MMP20: variants seen among roughly 807,000 people sequenced by gnomAD.
MMP20 encodes the protein matrix metallopeptidase 20, also known as matrix metalloproteinase-20.
Under a neutral mutation model 51.8 loss-of-function variants are expected in MMP20, and 50 were observed. The observed-to-expected ratio is 0.97, with a 90% CI of 0.77 to 1.22. The LOEUF (loss-of-function observed/expected upper bound fraction) is 1.22. MMP20 is among the 50% of genes most tolerant of loss of function. The pLI is 0.00. For missense variants in MMP20, 663 were observed against 601.4 expected (o/e 1.10, Z -1.07); for synonymous variants, 244 against 216.2 (o/e 1.13, Z -1.13).
intron 2 of MMP20, among the ~76,000 whole-genome samples, chr11:102,613,262 G>C (rs76515795): frequency 6.6e-6 from 1 of 152,168 alleles, no homozygotes; most frequent in African/African-American, 2.4e-5. Flanking sequence ...CAAAGGAAAG[G>C]CAGGGAGGGC....
chr11:102,596,922 G>A lies in MMP20; in HGVS notation c.954-2165C>T, dbSNP rs562594183. Among the ~76,000 whole-genome samples, 104 of 152,260 alleles carry A rather than the reference G, an allele frequency of 6.8e-4. 1 individual carries two copies. The highest frequency in any genetic ancestry group is 1.2e-3 in the Non-Finnish European group (81 of 68,028). On this transcript the variant is annotated intron_variant, in intron 6 of 9. Coordinates refer to ENST00000260228, the MANE Select transcript of MMP20 (RefSeq NM_004771.4). ...TACAGTTTTGGGTATCCAGAATCCC[G>A]CAACTACTTCTTGGATTAATTGGGA...
At chr11:102,593,723 C>G in intron 7 of MMP20, 128 bp from the exon 8 acceptor site, 1 of 993,118 alleles carries the variant, frequency 1.0e-6, no homozygotes, top group Non-Finnish European at 1.5e-6. Context: ...TATAACCCAA[C>G]AAGAGATATA....
At position 102,580,332 on chromosome 11, in the gene MMP20, C is replaced by T. The variant is rs17174301; in HGVS notation, c.1248-1190G>A. 2.0e-3 allele frequency among the ~76,000 whole-genome samples: 311 copies of T among 152,362 alleles called. 4 individuals are homozygous for T. In the East Asian group the frequency reaches 0.055, roughly 27 times the overall value. The stretch of plus-strand genomic sequence containing the variant: ...TAGCACAGAGTTCCAAATGGGGACA[C>T]TCCCAGGTGGACACCCCACTCCTTT... On this transcript the variant is annotated intron_variant, in intron 8 of 9. Coordinates refer to ENST00000260228, the MANE Select transcript of MMP20 (RefSeq NM_004771.4).
At chr11:102,591,079 C>A (rs1270323494) in intron 8 of MMP20, among the ~76,000 whole-genome samples, 4 of 152,120 alleles carry the variant, frequency 2.6e-5, no homozygotes, top group Admixed American at 6.5e-5. Flanking sequence ...AATTTCAAAC[C>A]AATAGAAGGC....
chr11:102,582,264 C>T (rs1859205456), intron 8 of MMP20, among the ~76,000 whole-genome samples: 2 of 152,106 alleles, frequency 1.3e-5, no homozygotes, highest in South Asian at 4.1e-4. Flanking sequence ...ATTTCAGTCA[C>T]ATGTCAAGGG....
In MMP20 at chr11:102,577,556, C is replaced by T. The variant is rs371228463; in HGVS notation, c.1352-130G>A. The T allele has an allele frequency of 1.7e-4, 120 of 711,644 alleles. 1 individual carries two copies. The African/African-American group carries it at 1.8e-3, about 11-fold the overall frequency. 44.1% of individuals were successfully genotyped at this position (711,644 alleles called of 1,614,324 possible). A position where few individuals can be genotyped will look rare whatever the true frequency, so the allele number is the denominator to read the frequency against. On this transcript the variant is annotated intron_variant, in intron 9 of 9. Transcript: ENST00000260228. ...TGTGAATTTGTCAGGTGGCAGTTAG[C>T]TTGTCTTCTGTCTTCATGCCCTAGA...
chr11:102,618,661 A>T (rs1323978381), intron 1 of MMP20, among the ~76,000 whole-genome samples: 1 of 152,186 alleles, frequency 6.6e-6, no homozygotes, highest in Non-Finnish European at 1.5e-5. Flanking sequence ...TTCTGAATAA[A>T]TCATACATAT....
chr11:102,606,985 T>A (rs1207154097), intron 5 of MMP20: 1 of 380,798 alleles, frequency 2.6e-6, no homozygotes, highest in East Asian at 5.9e-5. Context: ...GCAGAGTGCT[T>A]GGCACATAGT....
intron 1 of MMP20, among the ~76,000 whole-genome samples, chr11:102,624,379 A>G (rs891296268): frequency 8.2e-6 from 1 of 121,328 alleles, no homozygotes; most frequent in Admixed American, 8.4e-5. Context: ...CCCTTCTTTT[A>G]AAAACAAAAC....
At position 102,611,887 on chromosome 11, in the gene MMP20, G is replaced by A. The variant is rs1284603007; in HGVS notation, c.391C>T (p.Pro131Ser). The A allele has an allele frequency of 6.2e-7, 1 of 1,614,134 alleles. No homozygotes were observed. Among genetic ancestry groups the A allele is most frequent in the Admixed American group, 1.7e-5 (1 of 60,026 alleles). The change falls in exon 3 of 10, where the codon CCT (proline) becomes TCT (serine). Residue 131 changes from proline to serine, a missense_variant. Transcript: ENST00000260228. Reference protein sequence around the residue: ...TLTYRISKYTPSMSSVEVDKA... With the variant: ...TLTYRISKYTSSMSSVEVDKA... ...TCCACCTCGACAGAACTCATGGAAG[G>A]TGTGTATTTAGATATTCTGTGAAAA...
chr11:102,586,530 T>C (rs980701359), intron 8 of MMP20, among the ~76,000 whole-genome samples: 1 of 152,112 alleles, frequency 6.6e-6, no homozygotes, highest in African/African-American at 2.4e-5. Context: ...ATTTTTTCTT[T>C]TGGCTGGGCA....
At chr11:102,584,712 G>A (rs986537368) in intron 8 of MMP20, among the ~76,000 whole-genome samples, 1 of 152,054 alleles carries the variant, frequency 6.6e-6, no homozygotes, top group South Asian at 2.1e-4. Flanking sequence ...CCAAGATCAC[G>A]AAGATTTATC....
intron 6 of MMP20, among the ~76,000 whole-genome samples, chr11:102,596,670 G>A (rs1392737125): frequency 6.6e-6 from 1 of 152,174 alleles, no homozygotes; most frequent in African/African-American, 2.4e-5. Flanking sequence ...AGGGCTGCTG[G>A]CCCAAAGGTC....
chr11:102,582,144 T>A (rs891546394), intron 8 of MMP20, among the ~76,000 whole-genome samples: 3 of 152,232 alleles, frequency 2.0e-5, no homozygotes, highest in African/African-American at 7.2e-5. Flanking sequence ...CACATTTGTA[T>A]TCTAAGGACT....
intron 2 of MMP20, among the ~76,000 whole-genome samples, chr11:102,612,190 C>T (rs890050487): frequency 1.3e-5 from 2 of 152,222 alleles, no homozygotes; most frequent in South Asian, 2.1e-4. Context: ...TGTGGCCGGG[C>T]GCAGTGGCTC....
In MMP20 at chr11:102,601,125, C is replaced by CTTTTTTTTTTTTTTTTTTTT. The variant is rs1168517234; in HGVS notation, c.953+5390_953+5409dup. The stretch of plus-strand genomic sequence containing the variant: ...AAATGACCACGAAGTGTCGGCTATT[C>CTTTTTTTTTTTTTTTTTTTT]TTTTTTTTTTTTTTTTTTTTTTTTT... On this transcript the variant is annotated intron_variant, in intron 6 of 9. Transcript: ENST00000260228. Among the ~76,000 whole-genome samples, 12 of 28,266 alleles carry CTTTTTTTTTTTTTTTTTTTT rather than the reference C, an allele frequency of 4.2e-4. 3 individuals carry two copies. The highest frequency in any genetic ancestry group is 7.3e-4 in the Non-Finnish European group (12 of 16,476). 18.5% of individuals were successfully genotyped at this position (28,266 alleles called of 152,430 possible). A position where few individuals can be genotyped will look rare whatever the true frequency, so the allele number is the denominator to read the frequency against.
In MMP20 at chr11:102,587,829, T is replaced by C. The variant is rs77025219; in HGVS notation, c.1247+5610A>G. ...CATTCTTTTACTTTCAATCTATTTGTATCTTTGAACCTAAAATGTATCTGC... is the reference window on the plus strand; with the variant it reads ...CATTCTTTTACTTTCAATCTATTTGCATCTTTGAACCTAAAATGTATCTGC... On this transcript the variant is annotated intron_variant, in intron 8 of 9. Coordinates refer to ENST00000260228, the MANE Select transcript of MMP20 (RefSeq NM_004771.4). 2.1e-3 allele frequency among the ~76,000 whole-genome samples: 317 copies of C among 152,288 alleles called. 1 individual carries two copies. Among genetic ancestry groups the C allele is most frequent in the African/African-American group, 7.2e-3 (300 of 41,600 alleles).
At chr11:102,617,339 T>C (rs536601570) in intron 1 of MMP20, among the ~76,000 whole-genome samples, 1 of 152,338 alleles carries the variant, frequency 6.6e-6, no homozygotes, top group South Asian at 2.1e-4. Context: ...ATATAACAAA[T>C]ACGCCTTTTT....
chr11:102,588,242 C>T (rs1859276297), intron 8 of MMP20, among the ~76,000 whole-genome samples: 1 of 152,022 alleles, frequency 6.6e-6, no homozygotes, highest in Non-Finnish European at 1.5e-5. Flanking sequence ...CTCTATTTCT[C>T]TCCCCTTCCT....
Sources: allele counts gnomAD v4.1 joint callset (sites outside exome capture counted in the v4.1 genomes callset), GRCh38; gene constraint gnomAD v4.1.1; transcripts MANE v1.5; gene names NCBI Gene and HGNC (gene_info 2026-07-23, HGNC 2026-07-21).